Variants in ZCCHC14 observed in about 807,000 individuals in gnomAD.
The protein encoded by ZCCHC14 is zinc finger CCHC-type containing 14.
In ZCCHC14, 16 loss-of-function variants were observed where a neutral mutation model predicts 85.0. The ratio of observed to expected loss-of-function variants is 0.19; its 90% CI spans 0.13 to 0.29. The LOEUF (loss-of-function observed/expected upper bound fraction) is 0.29, where lower values mean the gene tolerates loss of function less well. Ranked by LOEUF, ZCCHC14 falls within the 10% of genes least tolerant of loss-of-function variation. ZCCHC14 has a pLI of 1.00. For synonymous variants in ZCCHC14, 775 were observed against 630.7 expected (o/e 1.23, Z -3.43); for missense variants, 1,303 against 1,443.5 (o/e 0.90, Z 1.58).
chr16:87,421,622 G>A lies in ZCCHC14; in HGVS notation c.841-906C>T, dbSNP rs1271344188. On this transcript the variant is annotated intron_variant, in intron 4 of 12. Coordinates refer to ENST00000671377, the MANE Select transcript of ZCCHC14 (RefSeq NM_015144.3). ...CGGTCTACCCCCGAAAAGGGGCCGAGAGGGTAGAGAGTGCCCTGCTGTGTG... is the reference window on the plus strand; with the variant it reads ...CGGTCTACCCCCGAAAAGGGGCCGAAAGGGTAGAGAGTGCCCTGCTGTGTG... Among the ~76,000 whole-genome samples the A allele has an allele frequency of 2.0e-5, 3 of 152,152 alleles. No homozygotes were observed. The South Asian group carries it at 6.2e-4, about 32-fold the overall frequency.
At chr16:87,468,287 A>G (rs1911621648) in intron 1 of ZCCHC14, among the ~76,000 whole-genome samples, 1 of 152,180 alleles carries the variant, frequency 6.6e-6, no homozygotes, top group African/African-American at 2.4e-5. Flanking sequence ...CCACTGGCCA[A>G]TGGTAAGGAT....
In ZCCHC14 at chr16:87,418,897, A is replaced by G; in HGVS notation, c.1050T>C (p.Pro350=). The G allele has an allele frequency of 6.2e-7, 1 of 1,610,258 alleles. No homozygotes were observed. The highest frequency in any genetic ancestry group is 8.5e-7 in the Non-Finnish European group (1 of 1,177,626). The change falls in exon 7 of 13, where the codon CCT becomes CCC. Residue 350 remains proline, a synonymous_variant. Coordinates refer to ENST00000671377, the MANE Select transcript of ZCCHC14 (RefSeq NM_015144.3). ...CTACTTTAGAAAGGGAGGGATTGCC[A>G]GGACCTATAAATTTAAAAATAAATA... is the stretch of plus-strand genomic sequence containing the variant. The part of the protein sequence containing the change: ...SPPQQLQSPS[P]GNPSLSKVGT...
intron 3 of ZCCHC14, among the ~76,000 whole-genome samples, chr16:87,428,641 G>T (rs1406045047): frequency 6.6e-6 from 1 of 152,230 alleles, no homozygotes; most frequent in African/African-American, 2.4e-5. Flanking sequence ...GAGGGCACCT[G>T]TGAGCCATGC....
intron 3 of ZCCHC14, among the ~76,000 whole-genome samples, chr16:87,426,621 T>C (rs1909384136): frequency 6.6e-6 from 1 of 152,138 alleles, no homozygotes; most frequent in Non-Finnish European, 1.5e-5. Context: ...TGCGGCCTCA[T>C]TCTGCACAAG....
intron 2 of ZCCHC14, among the ~76,000 whole-genome samples, chr16:87,443,413 CAGCTG>C (rs1910279936): frequency 6.6e-6 from 1 of 152,140 alleles, no homozygotes; most frequent in Admixed American, 6.6e-5. Flanking sequence ...CCAGGTAAGT[CAGCTG>C]AGTTGGGATC....
chr16:87,439,149 T>C (rs1314551736), intron 2 of ZCCHC14, among the ~76,000 whole-genome samples: 1 of 151,882 alleles, frequency 6.6e-6, no homozygotes, highest in Non-Finnish European at 1.5e-5. Context: ...TTTTTTTTTT[T>C]TCTTTTTTTA....
At chr16:87,414,601 C>T (rs926339442) in intron 9 of ZCCHC14, 60 bp from the exon 10 acceptor site, 8 of 1,549,690 alleles carry the variant, frequency 5.2e-6, no homozygotes, top group East Asian at 2.3e-5. Context: ...GCCTCACATG[C>T]GGCTTCAAGA....
intron 2 of ZCCHC14, among the ~76,000 whole-genome samples, chr16:87,442,756 G>A (rs538619335): frequency 2.0e-5 from 3 of 152,266 alleles, no homozygotes; most frequent in East Asian, 3.9e-4. Context: ...AATCTTGAAA[G>A]CAATCAAAAA....
intron 1 of ZCCHC14, among the ~76,000 whole-genome samples, chr16:87,482,938 AT>A (rs1597455189): frequency 6.6e-6 from 1 of 152,198 alleles, no homozygotes; most frequent in East Asian, 1.9e-4. Context: ...TGTATGCACA[AT>A]ACATGCATAT....
chr16:87,443,895 G>A (rs1910303558), intron 2 of ZCCHC14, among the ~76,000 whole-genome samples: 1 of 152,082 alleles, frequency 6.6e-6, no homozygotes, highest in Non-Finnish European at 1.5e-5. Context: ...AAATTAACTA[G>A]GTGTGATGGC....
chr16:87,435,836 C>T (rs957270595), intron 2 of ZCCHC14, among the ~76,000 whole-genome samples: 7 of 152,230 alleles, frequency 4.6e-5, no homozygotes, highest in African/African-American at 1.7e-4. Flanking sequence ...AAACAAAGAG[C>T]ACAGCACATT....
intron 1 of ZCCHC14, among the ~76,000 whole-genome samples, chr16:87,479,552 T>C (rs1484260503): frequency 1.3e-5 from 2 of 152,214 alleles, no homozygotes; most frequent in African/African-American, 2.4e-5. Context: ...GATGTCACTG[T>C]TGAAAGTATA....
chr16:87,450,722 G>A (rs569701876), intron 2 of ZCCHC14, among the ~76,000 whole-genome samples: 1 of 151,948 alleles, frequency 6.6e-6, no homozygotes, highest in Admixed American at 6.6e-5. Context: ...TTATAGGCAT[G>A]TGCCATCTTT....
intron 1 of ZCCHC14, among the ~76,000 whole-genome samples, chr16:87,476,891 C>CTGAGGAGGGCAGATCACAAGG (rs1912029913): frequency 1.3e-5 from 2 of 151,994 alleles, no homozygotes; most frequent in South Asian, 4.1e-4. Flanking sequence ...CTTTGGAAGG[C>CTGAGGAGGGCAGATCACAAGG]TGAGGAGGGC....
intron 1 of ZCCHC14, among the ~76,000 whole-genome samples, chr16:87,460,557 G>C (rs1044825393): frequency 2.0e-5 from 3 of 152,158 alleles, no homozygotes; most frequent in Non-Finnish European, 2.9e-5. Context: ...AGGCGTGATG[G>C]CAAGTGCCTA....
At chr16:87,448,344 T>C (rs952682606) in intron 2 of ZCCHC14, among the ~76,000 whole-genome samples, 8 of 152,188 alleles carry the variant, frequency 5.3e-5, no homozygotes, top group Admixed American at 2.6e-4. Flanking sequence ...TTGTTCTCCT[T>C]TGAAAACGTG....
At position 87,412,888 on chromosome 16, in the gene ZCCHC14, G is replaced by C. The variant is rs1908549710; in HGVS notation, c.1833C>G (p.Ala611=). The stretch of plus-strand genomic sequence containing the variant: ...CCTCATTCTGCACAGGGAGAACCTG[G>C]GCCGTGGGTCTGGCGGAACTGGAAG... ...HFTSSSARPT[A]QVLPVQNEAS... Residue 611 remains alanine (A), a synonymous_variant, in exon 12 of 13, where the codon GCC becomes GCG. Transcript: ENST00000671377. 10 of 1,604,264 alleles carry C rather than the reference G, an allele frequency of 6.2e-6. No homozygotes were observed. The East Asian group carries it at 2.2e-4, about 36-fold the overall frequency.
chr16:87,457,989 T>C (rs116841142), intron 2 of ZCCHC14, among the ~76,000 whole-genome samples: 2,465 of 152,128 alleles, frequency 0.016, 25 homozygotes, highest in Middle Eastern at 0.048. Flanking sequence ...CCCGCCAGCC[T>C]ACGCAGGCTT....
chr16:87,440,600 C>CCTATGCATA (rs1910136356), intron 2 of ZCCHC14, among the ~76,000 whole-genome samples: 2 of 152,072 alleles, frequency 1.3e-5, no homozygotes, highest in African/African-American at 2.4e-5. Flanking sequence ...TGATTCCTCA[C>CCTATGCATA]AACAAAATAC....
Sources: gnomAD v4.1 joint callset for allele counts (sites outside exome capture counted in the v4.1 genomes callset) on GRCh38, gnomAD v4.1.1 for gene constraint, MANE v1.5 for transcripts, NCBI Gene and HGNC (gene_info 2026-07-23, HGNC 2026-07-21) for gene names.